The following KSR2 variants were observed in gnomAD, a reference collection of about 807,000 sequenced individuals.
The protein encoded by KSR2 is kinase suppressor of ras 2.
A neutral mutation model predicts 107.8 loss-of-function variants in KSR2; 25 were observed. The observed-to-expected ratio is 0.23, with a 90% CI of 0.17 to 0.32. The LOEUF is 0.32. Ranked by LOEUF, KSR2 falls within the 10% of genes least tolerant of loss-of-function variation. The pLI, the probability that KSR2 is intolerant of heterozygous loss-of-function variation, is 1.00. For missense variants in KSR2, 887 were observed against 1,268.9 expected (o/e 0.70, Z 4.57); for synonymous variants, 480 against 507.0 (o/e 0.95, Z 0.71).
chr12:117,562,067 T>TG lies in KSR2; in HGVS notation c.1326-3495dup, dbSNP rs566632336. Among the ~76,000 whole-genome samples the TG allele has an allele frequency of 2.9e-3, 441 of 152,066 alleles. 2 individuals are homozygous for TG. Among genetic ancestry groups the TG allele is most frequent in the South Asian group, 0.022 (104 of 4,814 alleles). On this transcript the variant is annotated intron_variant, in intron 7 of 19. Transcript: ENST00000339824. ...GAAAAAATATTACAGGAAAATGGGT[T>TG]GGGGGGAATGATGGGGTATGAGGGA...
In KSR2 at chr12:117,842,342, T is replaced by C. The variant is rs568162105; in HGVS notation, c.472+13086A>G. ...TGACAAGGAATCAGCCAGAGGAAGA[T>C]TGAGGCAGGGTATTCCAGGCAGAAA... On this transcript the variant is annotated intron_variant, in intron 3 of 19. Coordinates refer to ENST00000339824, the MANE Select transcript of KSR2 (RefSeq NM_173598.6). The surrounding 1 kb of genome is among the most constrained non-coding windows in gnomAD (Gnocchi z 4.2). 4.6e-5 allele frequency among the ~76,000 whole-genome samples: 7 copies of C among 152,076 alleles called. No homozygotes were observed. Among genetic ancestry groups the C allele is most frequent in the Non-Finnish European group, 1.0e-4 (7 of 68,014 alleles).
intron 7 of KSR2, among the ~76,000 whole-genome samples, chr12:117,559,529 C>T (rs920008232): frequency 1.3e-5 from 2 of 152,182 alleles, no homozygotes; most frequent in African/African-American, 4.8e-5. Context: ...CTTGCCCTGA[C>T]AGAAAACCAG....
At chr12:117,553,514 G>A (rs1047104184) in intron 9 of KSR2, among the ~76,000 whole-genome samples, 5 of 152,298 alleles carry the variant, frequency 3.3e-5, no homozygotes, top group Admixed American at 1.3e-4. Context: ...TCTGTGTGTT[G>A]CCATTGAATA....
At chr12:117,849,032 A>G (rs578127886) in intron 3 of KSR2, among the ~76,000 whole-genome samples, 2 of 152,322 alleles carry the variant, frequency 1.3e-5, no homozygotes, top group South Asian at 2.1e-4. Flanking sequence ...CACACAGCTA[A>G]TAGGTGGCAG....
intron 3 of KSR2, among the ~76,000 whole-genome samples, chr12:117,840,717 A>ACGG (rs977552491): frequency 6.6e-6 from 1 of 152,000 alleles, no homozygotes; most frequent in Non-Finnish European, 1.5e-5. Flanking sequence ...TTTAAAAAAT[A>ACGG]CTAAGCCAGG....
chr12:117,567,920 C>G (rs1167754138), intron 7 of KSR2, among the ~76,000 whole-genome samples: 2 of 151,566 alleles, frequency 1.3e-5, no homozygotes, highest in Admixed American at 6.6e-5. Flanking sequence ...GCCAGTGCTT[C>G]TAGAAATGCC....
chr12:117,488,711 T>TG (rs1872597856), intron 14 of KSR2, among the ~76,000 whole-genome samples: 1 of 151,706 alleles, frequency 6.6e-6, no homozygotes, highest in Non-Finnish European at 1.5e-5. Flanking sequence ...TTTTTTTTTT[T>TG]TTTGAGATAG....
At chr12:117,736,825 A>AAG (rs3072304) in intron 4 of KSR2, among the ~76,000 whole-genome samples, 18,955 of 150,376 alleles carry the variant, frequency 0.13, 1,427 homozygotes, top group Non-Finnish European at 0.17. Flanking sequence ...AAAAAAAAAA[A>AAG]AAGAAAAGAA....
intron 3 of KSR2, among the ~76,000 whole-genome samples, chr12:117,768,510 T>C (rs1889325057): frequency 6.6e-6 from 1 of 152,138 alleles, no homozygotes; most frequent in South Asian, 2.1e-4. Context: ...TGGGCATCCG[T>C]CCTTGCGGCT....
chr12:117,487,738 AG>A (rs1157580129), intron 14 of KSR2, among the ~76,000 whole-genome samples: 1 of 152,188 alleles, frequency 6.6e-6, no homozygotes, highest in Non-Finnish European at 1.5e-5. Flanking sequence ...GGGTAACTGC[AG>A]GAAAGTCTCA....
At chr12:117,911,169 C>T (rs1387328849) in intron 1 of KSR2, among the ~76,000 whole-genome samples, 1 of 144,950 alleles carries the variant, frequency 6.9e-6, no homozygotes, top group Non-Finnish European at 1.5e-5. Context: ...CTCTCTCTCT[C>T]TCTCTCACAC....
chr12:117,546,805 T>A (rs949646841), intron 9 of KSR2, among the ~76,000 whole-genome samples: 1 of 152,244 alleles, frequency 6.6e-6, no homozygotes, highest in African/African-American at 2.4e-5. Context: ...TTGTATGTTC[T>A]AAATTTTCTA....
intron 4 of KSR2, among the ~76,000 whole-genome samples, chr12:117,737,062 C>T (rs762878391): frequency 2.0e-5 from 3 of 152,168 alleles, no homozygotes; most frequent in Admixed American, 6.5e-5. Context: ...CTTCAAACAC[C>T]ATTTTCACCT....
At chr12:117,878,836 A>T (rs1201814280) in intron 1 of KSR2, among the ~76,000 whole-genome samples, 1 of 152,026 alleles carries the variant, frequency 6.6e-6, no homozygotes, top group Non-Finnish European at 1.5e-5. Flanking sequence ...GCAGAGAGGA[A>T]CTCCTCCCAA....
At chr12:117,549,428 G>A (rs376528862) in intron 9 of KSR2, among the ~76,000 whole-genome samples, 20 of 151,878 alleles carry the variant, frequency 1.3e-4, no homozygotes, top group African/African-American at 2.9e-4. Flanking sequence ...GATGGTCATC[G>A]TCTAACTTTA....
At chr12:117,592,923 C>G (rs1880411039) in intron 5 of KSR2, among the ~76,000 whole-genome samples, 1 of 152,182 alleles carries the variant, frequency 6.6e-6, no homozygotes, top group African/African-American at 2.4e-5. Flanking sequence ...TCATTTGAAT[C>G]TAAAGATGAG....
chr12:117,792,497 G>A (rs1376326247), intron 3 of KSR2, among the ~76,000 whole-genome samples: 1 of 152,204 alleles, frequency 6.6e-6, no homozygotes, highest in Non-Finnish European at 1.5e-5. Flanking sequence ...CTCTATCTCA[G>A]AGGATTCTCG....
chr12:117,855,552 C>T lies in KSR2; in HGVS notation c.348G>A (p.Leu116=). The T allele has an allele frequency of 6.2e-7, 1 of 1,614,050 alleles. No individual in the cohort carries two copies. Among genetic ancestry groups the T allele is most frequent in the Non-Finnish European group, 8.5e-7 (1 of 1,179,898 alleles). The change falls in exon 3 of 20, where the codon CTG becomes CTA. Residue 116 remains leucine (L), a synonymous_variant. Coordinates refer to ENST00000339824, the MANE Select transcript of KSR2 (RefSeq NM_173598.6). ...CATCCGTCATCTCCAAGAGGTCCTCCAGGCTCAGCTGGCCGGGGGAGATTT... is the reference window on the plus strand; with the variant it reads ...CATCCGTCATCTCCAAGAGGTCCTCTAGGCTCAGCTGGCCGGGGGAGATTT... The part of the protein sequence containing the change: ...LEEISPGQLS[L]EDLLEMTDEQ...
chr12:117,507,347 G>A (rs1873759806), intron 14 of KSR2, among the ~76,000 whole-genome samples: 1 of 152,142 alleles, frequency 6.6e-6, no homozygotes, highest in African/African-American at 2.4e-5. Flanking sequence ...CTTAAAGAAG[G>A]CCATGGCCAT....
Sources: gnomAD v4.1 joint callset for allele counts (sites outside exome capture counted in the v4.1 genomes callset) on GRCh38, gnomAD v4.1.1 for gene constraint, Gnocchi (gnomAD v3.1) non-coding constraint, MANE v1.5 for transcripts, NCBI Gene and HGNC (gene_info 2026-07-23, HGNC 2026-07-21) for gene names.